Variants in REEP5 observed in about 807,000 individuals in gnomAD.
REEP5 encodes the protein receptor expression-enhancing protein 5.
Under a neutral mutation model 22.4 loss-of-function variants are expected in REEP5, and 24 were observed. The ratio of observed to expected loss-of-function variants is 1.07; its 90% confidence interval spans 0.78 to 1.51. The LOEUF is 1.51. Ranked by LOEUF, REEP5 falls within the 40% of genes most tolerant of loss-of-function variation. The pLI is 0.00. For synonymous variants in REEP5, 103 were observed against 88.6 expected (o/e 1.16, Z -0.92); for missense variants, 252 against 233.0 (o/e 1.08, Z -0.53).
intron 3 of REEP5, 73 bp from the exon 4 acceptor site, chr5:112,887,256 T>C (rs897481997): frequency 4.8e-5 from 65 of 1,351,132 alleles, no homozygotes; most frequent in Non-Finnish European, 6.1e-5. Context: ...ACACTGTCTT[T>C]CACTACTCTG....
At position 112,878,205 on chromosome 5, in the gene REEP5, A is replaced by C. The variant is rs1767956631; in HGVS notation, c.*581T>G. On this transcript the variant is annotated 3_prime_UTR_variant, in exon 5 of 5. Transcript: ENST00000379638. ...CCTAAAGTATTATTTAGTAGACCAC[A>C]CCAGCACAATGGTTCCTCCAGCTTT... 6.5e-6 allele frequency: 1 copy of C among 152,890 alleles called. No individual in the cohort carries two copies. The allele number at this position is 152,890 out of a possible 1,614,324, so 9.5% of individuals were successfully genotyped here. A position where few individuals can be genotyped will look rare whatever the true frequency, so the allele number is the denominator to read the frequency against.
intron 4 of REEP5, among the ~76,000 whole-genome samples, chr5:112,879,924 CTA>C (rs557740679): frequency 6.6e-4 from 100 of 152,012 alleles, no homozygotes; most frequent in Middle Eastern, 3.4e-3. Flanking sequence ...CCCCCCACCT[CTA>C]TTTTAAAAAA....
At chr5:112,906,739 T>C (rs1331440462) in intron 2 of REEP5, among the ~76,000 whole-genome samples, 1 of 152,200 alleles carries the variant, frequency 6.6e-6, no homozygotes, top group Non-Finnish European at 1.5e-5. Context: ...TCTTCAGACC[T>C]AGTGATTCAG....
chr5:112,878,853 G>A lies in REEP5; in HGVS notation c.521-18C>T. 3.1e-6 allele frequency: 5 copies of A among 1,613,962 alleles called. No individual in the cohort carries two copies. Among genetic ancestry groups the A allele is most frequent in the African/African-American group, 1.3e-5 (1 of 75,000 alleles). On this transcript the variant is annotated intron_variant, in intron 4 of 4. Transcript: ENST00000379638. ...TTTCTTCGCTGTTTGTTTGTTAGGA[G>A]GGAAAGAAAAATATATCAAAGCTCT...
chr5:112,916,667 A>C (rs182374316), intron 2 of REEP5, among the ~76,000 whole-genome samples: 9 of 152,308 alleles, frequency 5.9e-5, no homozygotes, highest in African/African-American at 1.7e-4. Context: ...TCTCTACATA[A>C]GGTGATGTTG....
chr5:112,901,599 C>CG (rs1768848030), intron 3 of REEP5, among the ~76,000 whole-genome samples: 2 of 152,036 alleles, frequency 1.3e-5, no homozygotes, highest in South Asian at 4.1e-4. Flanking sequence ...GTAATCCCAG[C>CG]TACTCGGGAG....
chr5:112,921,081 T>A, intron 2 of REEP5, 82 bp downstream of exon 2: 2 of 1,336,254 alleles, frequency 1.5e-6, no homozygotes, highest in South Asian at 1.2e-5. Flanking sequence ...TCCCGGGAAT[T>A]GCGGATGTGC....
At position 112,878,613 on chromosome 5, in the gene REEP5, T is replaced by C. The variant is rs1230486285; in HGVS notation, c.*173A>G. ...TGCATTAAGTTTAAAGTGCTCCCTA[T>C]ATATATAGACAGTAAAAGTAAGCAA... On this transcript the variant is annotated 3_prime_UTR_variant, in exon 5 of 5. Transcript: ENST00000379638. The C allele has an allele frequency of 6.4e-6, 6 of 941,524 alleles. No individual in the cohort carries two copies. The Admixed American group carries it at 9.3e-5, about 15-fold the overall frequency. The allele number at this position is 941,524 out of a possible 1,614,324, so 58.3% of individuals were successfully genotyped here.
At chr5:112,890,281 C>T (rs1464348051) in intron 3 of REEP5, among the ~76,000 whole-genome samples, 1 of 149,874 alleles carries the variant, frequency 6.7e-6, no homozygotes, top group Admixed American at 6.7e-5. Flanking sequence ...GACAGCAAGA[C>T]CCTGTCTCAA....
intron 3 of REEP5, chr5:112,892,710 G>C: frequency 1.2e-6 from 2 of 1,614,072 alleles, no homozygotes; most frequent in Non-Finnish European, 1.7e-6. Context: ...CTTCAGATCA[G>C]ACTGGCTCCT....
At chr5:112,911,814 C>T (rs1468872911) in intron 2 of REEP5, among the ~76,000 whole-genome samples, 1 of 152,032 alleles carries the variant, frequency 6.6e-6, no homozygotes, top group Non-Finnish European at 1.5e-5. Context: ...ATATTTTTAA[C>T]TTGGAAGAAC....
At chr5:112,894,575 T>G (rs376156474) in intron 3 of REEP5, 32 of 152,352 alleles carry the variant, frequency 2.1e-4, no homozygotes, top group African/African-American at 6.5e-4. Flanking sequence ...GGTGGACATT[T>G]TGAAGAATAT....
chr5:112,884,787 C>A (rs879862800), intron 4 of REEP5, among the ~76,000 whole-genome samples: 2 of 151,724 alleles, frequency 1.3e-5, no homozygotes, highest in South Asian at 2.1e-4. Flanking sequence ...TGGCCCCCCC[C>A]CATCTTTCTA....
At chr5:112,892,570 C>T (rs771238172) in intron 3 of REEP5, 51 of 1,613,994 alleles carry the variant, frequency 3.2e-5, no homozygotes, top group Admixed American at 5.0e-5. Flanking sequence ...CCCAGTGACC[C>T]GGTGGAAAAT....
In REEP5 at chr5:112,891,825, A is replaced by G. The variant is rs60088629; in HGVS notation, c.352-4642T>C. ...AGGACACTTTTATTGAAGAACAACAACTAGAAGAAGAGAAGCTATTGGAAA... is the reference window on the plus strand; with the variant it reads ...AGGACACTTTTATTGAAGAACAACAGCTAGAAGAAGAGAAGCTATTGGAAA... On this transcript the variant is annotated intron_variant, in intron 3 of 4. Coordinates refer to ENST00000379638, the MANE Select transcript of REEP5 (RefSeq NM_005669.5). 9,696 of 1,579,328 alleles carry G rather than the reference A, an allele frequency of 6.1e-3. 249 individuals are homozygous for G. The East Asian group carries it at 0.079, about 13-fold the overall frequency.
At chr5:112,892,793 G>A (rs770587405) in intron 3 of REEP5, 37 of 1,613,852 alleles carry the variant, frequency 2.3e-5, no homozygotes, top group Non-Finnish European at 3.0e-5. Flanking sequence ...CAGCGGGGAA[G>A]GAGAAACCCT....
chr5:112,910,985 C>T (rs1467278314), intron 2 of REEP5, among the ~76,000 whole-genome samples: 2 of 152,088 alleles, frequency 1.3e-5, no homozygotes. Flanking sequence ...TTTCTTAGCC[C>T]CCTTGGAGTT....
At chr5:112,909,595 T>C (rs1276862705) in intron 2 of REEP5, among the ~76,000 whole-genome samples, 1 of 152,140 alleles carries the variant, frequency 6.6e-6, no homozygotes, top group Non-Finnish European at 1.5e-5. Context: ...TGAACATTGC[T>C]GAAAACATTT....
chr5:112,916,107 C>A (rs1561660506), intron 2 of REEP5, among the ~76,000 whole-genome samples: 1 of 152,220 alleles, frequency 6.6e-6, no homozygotes, highest in Admixed American at 6.5e-5. Flanking sequence ...TCAATGCACA[C>A]CTTAAGCAAG....
Sources: allele counts gnomAD v4.1 joint callset (sites outside exome capture counted in the v4.1 genomes callset), GRCh38; gene constraint gnomAD v4.1.1; transcripts MANE v1.5; gene names NCBI Gene and HGNC (gene_info 2026-07-23, HGNC 2026-07-21).